The following ZC3HAV1 variants were observed in gnomAD, a reference collection of about 807,000 sequenced individuals.
ZC3HAV1 encodes zinc finger CCCH-type containing, antiviral 1.
ZC3HAV1 carries 41 observed loss-of-function variants against 86.6 expected under a neutral mutation model. The ratio of observed to expected loss-of-function variants is 0.47; its 90% CI spans 0.37 to 0.61. The LOEUF (loss-of-function observed/expected upper bound fraction) is 0.61. Ranked by LOEUF, ZC3HAV1 falls within the 20% of genes least tolerant of loss-of-function variation. The pLI is 0.00. For synonymous variants in ZC3HAV1, 421 were observed against 432.1 expected, an observed-to-expected ratio of 0.97 and a Z score of 0.32; for missense variants, 964 against 1,141.1, an observed-to-expected ratio of 0.84 and a Z score of 2.24.
At chr7:139,095,597 G>C (rs946275706) in intron 1 of ZC3HAV1, among the ~76,000 whole-genome samples, 3 of 152,222 alleles carry the variant, frequency 2.0e-5, no homozygotes, top group Non-Finnish European at 4.4e-5. Flanking sequence ...CAAGACTGGA[G>C]AGCAGAGGAG....
At chr7:139,080,326 T>C (rs1584859203) in intron 3 of ZC3HAV1, 83 bp from the exon 4 acceptor site, 1 of 1,520,132 alleles carries the variant, frequency 6.6e-7, no homozygotes, top group Non-Finnish European at 9.0e-7. Flanking sequence ...CTTCCTCCTC[T>C]TCACTTTTGT....
intron 2 of ZC3HAV1, 113 bp downstream of exon 2, chr7:139,089,511 C>G: frequency 7.4e-7 from 1 of 1,342,360 alleles, no homozygotes; most frequent in Non-Finnish European, 1.0e-6. Context: ...TCGACTACCA[C>G]CTGCAGAACC....
chr7:139,081,018 A>G (rs1032829029), intron 3 of ZC3HAV1, among the ~76,000 whole-genome samples: 5 of 152,208 alleles, frequency 3.3e-5, no homozygotes, highest in Non-Finnish European at 5.9e-5. Flanking sequence ...CAACATCGAC[A>G]AAGCAGTGTG....
At chr7:139,063,027 CAAAAAAAAAAAA>C (rs58859916) in intron 8 of ZC3HAV1, among the ~76,000 whole-genome samples, 6 of 68,102 alleles carry the variant, frequency 8.8e-5, no homozygotes, top group Non-Finnish European at 1.4e-4. Context: ...GACTCTGTCT[CAAAAAAAAAAAA>C]AAAAAAAAAA....
At position 139,085,976 on chromosome 7, in the gene ZC3HAV1, A is replaced by G. The variant is rs567804373; in HGVS notation, c.445-1944T>C. 2.6e-5 allele frequency among the ~76,000 whole-genome samples: 4 copies of G among 151,808 alleles called. No individual in the cohort carries two copies. The South Asian group carries it at 8.4e-4, about 32-fold the overall frequency. The stretch of plus-strand genomic sequence containing the variant: ...GCAGGACCTGAAATTGCACCACTGC[A>G]CTCCAGCCTGGGAGACAGAGTGAGA... On this transcript the variant is annotated intron_variant, in intron 2 of 12. Transcript: ENST00000242351.
chr7:139,109,109 G>A lies in ZC3HAV1; in HGVS notation c.223C>T (p.Arg75Cys), dbSNP rs760563298. The change falls in exon 1 of 13, where the codon CGC becomes TGC. Residue 75 changes from arginine to cysteine, a missense_variant. Arg to Cys is a radical substitution (Grantham distance 180, BLOSUM62 -3). Coordinates refer to ENST00000242351, the MANE Select transcript of ZC3HAV1 (RefSeq NM_020119.4). ...TCGCAGGGTCTCTGGCAGTACTTGCGACGGCAGACCCGGGCTCGAGTGGTG... is the reference window on the plus strand; with the variant it reads ...TCGCAGGGTCTCTGGCAGTACTTGCAACGGCAGACCCGGGCTCGAGTGGTG... ...VATTRARVCR[R>C]KYCQRPCDNL... is the part of the protein sequence containing the mutation. The A allele has an allele frequency of 8.2e-6, 13 of 1,593,200 alleles. No homozygotes were observed. Among genetic ancestry groups the A allele is most frequent in the Non-Finnish European group, 2.6e-6 (3 of 1,169,678 alleles).
chr7:139,081,134 TG>T, intron 3 of ZC3HAV1, among the ~76,000 whole-genome samples: 1 of 151,958 alleles, frequency 6.6e-6, no homozygotes, highest in Admixed American at 6.6e-5. Context: ...GTGTGGAGTG[TG>T]TGTGGCGTGC....
intron 12 of ZC3HAV1, 102 bp from the exon 13 acceptor site, chr7:139,047,955 G>A (rs1233320666): frequency 6.5e-5 from 76 of 1,174,538 alleles, no homozygotes; most frequent in Non-Finnish European, 8.9e-5. Flanking sequence ...CTAAGCATAT[G>A]TCAATAATAC....
intron 1 of ZC3HAV1, among the ~76,000 whole-genome samples, chr7:139,090,738 T>G (rs2130721017): frequency 6.6e-6 from 1 of 152,360 alleles, no homozygotes; most frequent in East Asian, 1.9e-4. Flanking sequence ...TAGGTAAAAG[T>G]TATTCTCTAA....
At chr7:139,059,221 C>A (rs1816377748) in intron 9 of ZC3HAV1, among the ~76,000 whole-genome samples, 1 of 152,178 alleles carries the variant, frequency 6.6e-6, no homozygotes, top group Admixed American at 6.5e-5. Flanking sequence ...ATAGTTATTG[C>A]CTCATCCACC....
At chr7:139,100,429 C>G (rs1310590196) in intron 1 of ZC3HAV1, among the ~76,000 whole-genome samples, 1 of 151,680 alleles carries the variant, frequency 6.6e-6, no homozygotes. Context: ...CCCAGCTACT[C>G]AGGAGGCTGA....
chr7:139,088,179 T>G (rs1357987319), intron 2 of ZC3HAV1, among the ~76,000 whole-genome samples: 1 of 152,176 alleles, frequency 6.6e-6, no homozygotes, highest in Non-Finnish European at 1.5e-5. Context: ...TATTCATGGA[T>G]TTTATCCAGC....
At chr7:139,069,603 A>T (rs142802447) in intron 7 of ZC3HAV1, among the ~76,000 whole-genome samples, 1 of 152,022 alleles carries the variant, frequency 6.6e-6, no homozygotes, top group Non-Finnish European at 1.5e-5. Flanking sequence ...TTGCTGCCCA[A>T]CTGCCCATCG....
chr7:139,100,574 C>A (rs887659152), intron 1 of ZC3HAV1, among the ~76,000 whole-genome samples: 48 of 152,056 alleles, frequency 3.2e-4, no homozygotes, highest in African/African-American at 1.1e-3. Context: ...ACAAAAAAAA[C>A]CACAGTGATA....
At chr7:139,102,465 G>T (rs911411068) in intron 1 of ZC3HAV1, among the ~76,000 whole-genome samples, 30 of 152,246 alleles carry the variant, frequency 2.0e-4, no homozygotes, top group African/African-American at 7.2e-4. Flanking sequence ...TATATAAATT[G>T]TGTACATTCA....
intron 7 of ZC3HAV1, among the ~76,000 whole-genome samples, chr7:139,073,081 A>T (rs1816828043): frequency 6.6e-6 from 1 of 152,122 alleles, no homozygotes; most frequent in Non-Finnish European, 1.5e-5. Context: ...GGATAACCTG[A>T]GGTCAGGAGT....
Position 139,109,216 on chromosome 7 carries a change from T to G in ZC3HAV1, c.116A>C (p.Glu39Ala). ...GTCGGGCCCGGCCACCTGCAGCACCTCACAGAGCTGCGGCTCAGACAGCGC... is the reference window on the plus strand; with the variant it reads ...GTCGGGCCCGGCCACCTGCAGCACCGCACAGAGCTGCGGCTCAGACAGCGC... ...EIALSEPQLC[E>A]VLQVAGPDRF... Residue 39 changes from glutamate to alanine, a missense_variant, in exon 1 of 13, where the codon GAG becomes GCG. Glu to Ala is a moderately radical substitution (Grantham distance 107). Coordinates refer to ENST00000242351, the MANE Select transcript of ZC3HAV1 (RefSeq NM_020119.4). 6.8e-6 allele frequency: 11 copies of G among 1,609,884 alleles called. No individual in the cohort carries two copies. The highest frequency in any genetic ancestry group is 9.3e-6 in the Non-Finnish European group (11 of 1,178,364).
At position 139,089,656 on chromosome 7, in the gene ZC3HAV1, G is replaced by C. The variant is rs940302061; in HGVS notation, c.412C>G (p.Leu138Val). The change falls in exon 2 of 13, where the codon CTC (leucine) becomes GTC (valine). Residue 138 changes from leucine (L) to valine (V), a missense_variant. Physicochemically the swap from Leu to Val is conservative, Grantham distance 32. Transcript: ENST00000242351. ...ATAAAAAAAGGATCACTTTGGAGGA[G>C]GAGCACTGCTAATTCCTCTTTGTTC... ...GLNKEELAVL[L>V]LQSDPFFMPE... is the part of the protein sequence containing the mutation. 6.8e-6 allele frequency: 11 copies of C among 1,611,702 alleles called. No individual in the cohort carries two copies. The highest frequency in any genetic ancestry group is 1.3e-5 in the African/African-American group (1 of 74,768).
chr7:139,090,935 A>G (rs1013733980), intron 1 of ZC3HAV1, among the ~76,000 whole-genome samples: 2 of 152,142 alleles, frequency 1.3e-5, no homozygotes, highest in East Asian at 3.9e-4. Flanking sequence ...TGCCTCCTGG[A>G]GAAGTCAAGG....
Sources: allele counts gnomAD v4.1 joint callset (sites outside exome capture counted in the v4.1 genomes callset), GRCh38; gene constraint gnomAD v4.1.1; transcripts MANE v1.5; gene names NCBI Gene and HGNC (gene_info 2026-07-23, HGNC 2026-07-21).